Variants in PDZRN4 observed in about 807,000 individuals in gnomAD.
PDZRN4 encodes the protein PDZ domain-containing RING finger protein 4.
PDZRN4 carries 70 observed loss-of-function variants against 99.0 expected under a neutral mutation model. That is an observed-to-expected ratio of 0.71 (90% CI 0.58 to 0.86). PDZRN4 has a LOEUF of 0.86. PDZRN4 is among the 40% of genes least tolerant of loss of function. The probability of loss-of-function intolerance (pLI) is 0.00; values close to 1 mark genes in which losing one functional copy is unlikely to be tolerated. For synonymous variants in PDZRN4, 551 were observed against 501.6 expected, an observed-to-expected ratio of 1.10 and a Z score of -1.32; for missense variants, 1,474 against 1,331.2, an observed-to-expected ratio of 1.11 and a Z score of -1.67.
At chr12:41,513,118 C>G (rs571440391) in intron 5 of PDZRN4, among the ~76,000 whole-genome samples, 1 of 152,066 alleles carries the variant, frequency 6.6e-6, no homozygotes, top group African/African-American at 2.4e-5. Context: ...ATTATTAACC[C>G]AATAGACCAA....
intron 3 of PDZRN4, among the ~76,000 whole-genome samples, chr12:41,395,693 AG>A (rs1362795297): frequency 6.6e-6 from 1 of 152,152 alleles, no homozygotes; most frequent in Admixed American, 6.6e-5. Flanking sequence ...CTATCTTCAA[AG>A]TATACCTATC....
rs10580466 is a variant in PDZRN4 at position 41,520,619 on chromosome 12, G to GACAC, written c.1203+10748_1203+10751dup. ...TTTCCAGTAAACATGCCTAAATACA[G>GACAC]ACACACACACACACACACACACACA... On this transcript the variant is annotated intron_variant, in intron 5 of 9. Coordinates refer to ENST00000402685, the MANE Select transcript of PDZRN4 (RefSeq NM_001164595.2). Among the ~76,000 whole-genome samples the GACAC allele has an allele frequency of 5.6e-3, 774 of 137,350 alleles. 2 individuals carry two copies. Among genetic ancestry groups the GACAC allele is most frequent in the South Asian group, 0.021 (87 of 4,098 alleles). The allele number at this position is 137,350 out of a possible 152,430, so 90.1% of individuals were successfully genotyped here.
intron 1 of PDZRN4, among the ~76,000 whole-genome samples, chr12:41,190,050 G>C (rs1224056313): frequency 6.6e-6 from 1 of 152,158 alleles, no homozygotes; most frequent in East Asian, 1.9e-4. Flanking sequence ...GACATTGTTG[G>C]TCGCTGCCAT....
intron 3 of PDZRN4, among the ~76,000 whole-genome samples, chr12:41,318,967 G>A (rs74640615): frequency 3.9e-5 from 6 of 152,254 alleles, no homozygotes; most frequent in Middle Eastern, 3.4e-3. Context: ...GTTTCTGGAA[G>A]AAATAAGTAA....
chr12:41,256,394 C>G (rs1369261328), intron 3 of PDZRN4, among the ~76,000 whole-genome samples: 1 of 152,070 alleles, frequency 6.6e-6, no homozygotes, highest in Non-Finnish European at 1.5e-5. Flanking sequence ...AAAGGGAACA[C>G]TTAAATACCT....
chr12:41,399,923 A>G (rs1240559946), intron 3 of PDZRN4, among the ~76,000 whole-genome samples: 1 of 151,954 alleles, frequency 6.6e-6, no homozygotes, highest in Non-Finnish European at 1.5e-5. Flanking sequence ...GAGGCTCCAC[A>G]CATTCTGCAA....
At chr12:41,383,923 G>A (rs1357732312) in intron 3 of PDZRN4, among the ~76,000 whole-genome samples, 1 of 149,138 alleles carries the variant, frequency 6.7e-6, no homozygotes, top group Admixed American at 6.7e-5. Context: ...TCATGATACA[G>A]GAGGAATGAG....
intron 3 of PDZRN4, among the ~76,000 whole-genome samples, chr12:41,232,336 C>T (rs1951033971): frequency 6.6e-6 from 1 of 152,004 alleles, no homozygotes; most frequent in South Asian, 2.1e-4. Flanking sequence ...CATTATTATG[C>T]TTTCCCTGGT....
chr12:41,301,722 C>T (rs1468626091), intron 3 of PDZRN4, among the ~76,000 whole-genome samples: 1 of 151,316 alleles, frequency 6.6e-6, no homozygotes, highest in Non-Finnish European at 1.5e-5. Flanking sequence ...CAAGAGAAAA[C>T]AAGGTTAGTT....
chr12:41,281,478 T>A (rs1231388090), intron 3 of PDZRN4, among the ~76,000 whole-genome samples: 1 of 152,168 alleles, frequency 6.6e-6, no homozygotes, highest in Non-Finnish European at 1.5e-5. Flanking sequence ...GATAAAAGGT[T>A]AGAGTAATTG....
At chr12:41,513,543 C>A (rs1044044184) in intron 5 of PDZRN4, among the ~76,000 whole-genome samples, 1 of 151,958 alleles carries the variant, frequency 6.6e-6, no homozygotes, top group African/African-American at 2.4e-5. Context: ...ACAAATTTAA[C>A]AATGCACCCA....
At chr12:41,507,806 G>T (rs1288827616) in intron 4 of PDZRN4, among the ~76,000 whole-genome samples, 1 of 136,508 alleles carries the variant, frequency 7.3e-6, no homozygotes, top group South Asian at 2.2e-4. Flanking sequence ...ATTTTAAATA[G>T]CCCTTTGTAT....
At chr12:41,506,154 G>A (rs989085227) in intron 3 of PDZRN4, among the ~76,000 whole-genome samples, 1 of 151,664 alleles carries the variant, frequency 6.6e-6, no homozygotes, top group African/African-American at 2.4e-5. Context: ...GAAGACTTCG[G>A]TGACCCTTTT....
At chr12:41,378,729 G>A (rs1056808341) in intron 3 of PDZRN4, among the ~76,000 whole-genome samples, 20 of 151,916 alleles carry the variant, frequency 1.3e-4, no homozygotes, top group African/African-American at 4.4e-4. Flanking sequence ...CACCACGTTG[G>A]CCAAGCTGTT....
At chr12:41,256,432 A>G (rs538536840) in intron 3 of PDZRN4, among the ~76,000 whole-genome samples, 1 of 152,342 alleles carries the variant, frequency 6.6e-6, no homozygotes, top group East Asian at 1.9e-4. Flanking sequence ...GTCTCCATTC[A>G]ATTGAATATT....
At chr12:41,325,735 A>C (rs1951705304) in intron 3 of PDZRN4, among the ~76,000 whole-genome samples, 1 of 151,862 alleles carries the variant, frequency 6.6e-6, no homozygotes, top group Non-Finnish European at 1.5e-5. Context: ...ATATGGTGAA[A>C]TTAAAAAGTC....
intron 3 of PDZRN4, among the ~76,000 whole-genome samples, chr12:41,490,380 T>C (rs1007054410): frequency 3.3e-5 from 5 of 152,138 alleles, no homozygotes; most frequent in African/African-American, 1.2e-4. Context: ...CTCCTTCAAA[T>C]CTATACCACC....
intron 3 of PDZRN4, among the ~76,000 whole-genome samples, chr12:41,213,431 A>G (rs930006123): frequency 1.3e-5 from 2 of 152,016 alleles, no homozygotes; most frequent in African/African-American, 4.8e-5. Context: ...GTCTAACAAT[A>G]ATAATGCTAC....
At chr12:41,317,131 G>T (rs1031466306) in intron 3 of PDZRN4, among the ~76,000 whole-genome samples, 2 of 140,516 alleles carry the variant, frequency 1.4e-5, no homozygotes, top group Non-Finnish European at 3.1e-5. Flanking sequence ...ATGTATATTT[G>T]CATAATTCTC....
Sources: gnomAD v4.1 joint callset for allele counts (sites outside exome capture counted in the v4.1 genomes callset) on GRCh38, gnomAD v4.1.1 for gene constraint, MANE v1.5 for transcripts, NCBI Gene and HGNC (gene_info 2026-07-23, HGNC 2026-07-21) for gene names.